DLGAP1: variants seen among roughly 807,000 people sequenced by gnomAD.
The protein encoded by DLGAP1 is DLG associated protein 1.
In DLGAP1, 11 loss-of-function variants were observed where a neutral mutation model predicts 90.8. That is an observed-to-expected ratio of 0.12 (90% confidence interval 0.08 to 0.20). The LOEUF (loss-of-function observed/expected upper bound fraction) is 0.20. Among genes scored for constraint, DLGAP1 ranks in the 10% least tolerant of loss-of-function variants. The pLI is 1.00. For missense variants in DLGAP1, 1,050 were observed against 1,333.8 expected, an observed-to-expected ratio of 0.79 and a Z score of 3.31; for synonymous variants, 558 against 540.7, an observed-to-expected ratio of 1.03 and a Z score of -0.44.
At chr18:3,739,004 A>C (rs1271285582) in intron 6 of DLGAP1, among the ~76,000 whole-genome samples, 1 of 150,974 alleles carries the variant, frequency 6.6e-6, no homozygotes, top group East Asian at 1.9e-4. Flanking sequence ...ACATTTATGC[A>C]GTCAAAAAAC....
In DLGAP1 at chr18:3,633,049, C is replaced by T. The variant is rs575838318; in HGVS notation, c.1592-50801G>A. Among the ~76,000 whole-genome samples, 8 of 152,260 alleles carry T rather than the reference C, an allele frequency of 5.3e-5. No homozygotes were observed. The South Asian group carries it at 1.0e-3, about 20-fold the overall frequency. On this transcript the variant is annotated intron_variant, in intron 7 of 12. Coordinates refer to ENST00000315677, the MANE Select transcript of DLGAP1 (RefSeq NM_004746.4). ...GATAGAATTTTCCTATTAGGCTACG[C>T]CTTGGGCAAGTTTTGGGCTTTAAAG... is the stretch of plus-strand genomic sequence containing the variant.
intron 7 of DLGAP1, among the ~76,000 whole-genome samples, chr18:3,703,853 T>C (rs1447041661): frequency 6.6e-6 from 1 of 151,992 alleles, no homozygotes; most frequent in Non-Finnish European, 1.5e-5. Context: ...CCACACACGG[T>C]TTTTGCGAAG....
chr18:3,746,541 T>G (rs565729368), intron 5 of DLGAP1, among the ~76,000 whole-genome samples: 1 of 152,244 alleles, frequency 6.6e-6, no homozygotes, highest in South Asian at 2.1e-4. Flanking sequence ...TCATTGTGTA[T>G]AAGAACATAT....
chr18:4,087,262 C>T (rs981876689), intron 2 of DLGAP1, among the ~76,000 whole-genome samples: 1 of 151,658 alleles, frequency 6.6e-6, no homozygotes, highest in Non-Finnish European at 1.5e-5. Flanking sequence ...TAAACTGGCC[C>T]CAAAACTGGC....
intron 10 of DLGAP1, among the ~76,000 whole-genome samples, chr18:3,509,784 G>C (rs2050439004): frequency 2.0e-5 from 3 of 152,200 alleles, no homozygotes; most frequent in Non-Finnish European, 4.4e-5. Flanking sequence ...TTCTGGCCCA[G>C]GGTTTTCTAG....
rs146408330 is a variant in DLGAP1 at position 4,395,500 on chromosome 18, C to A, written c.-267+59506G>T. Among the ~76,000 whole-genome samples the A allele has an allele frequency of 4.2e-3, 632 of 152,268 alleles. 6 individuals carry two copies. The highest frequency in any genetic ancestry group is 0.016 in the South Asian group (78 of 4,822). ...TAGCCAGAGACTGATGGTTTCCTAA[C>A]CTGGGAGACCTGCTGGGCATGCAGC... On this transcript the variant is annotated intron_variant, in intron 1 of 12. Transcript: ENST00000315677.
At chr18:3,657,672 G>A (rs894150399) in intron 7 of DLGAP1, among the ~76,000 whole-genome samples, 1 of 148,430 alleles carries the variant, frequency 6.7e-6, no homozygotes, top group Admixed American at 6.8e-5. Flanking sequence ...GCGCGATCTC[G>A]GCTCACTGCA....
chr18:4,194,325 T>C (rs1040673983), intron 1 of DLGAP1, among the ~76,000 whole-genome samples: 6 of 152,180 alleles, frequency 3.9e-5, no homozygotes, highest in Admixed American at 3.3e-4. Flanking sequence ...AGATTAAAGC[T>C]GAAATTTTGA....
At chr18:3,984,831 T>A (rs1284761203) in intron 3 of DLGAP1, among the ~76,000 whole-genome samples, 1 of 152,086 alleles carries the variant, frequency 6.6e-6, no homozygotes, top group African/African-American at 2.4e-5. Context: ...GGTCTTTATT[T>A]TGCCCACAGA....
At chr18:3,888,064 C>A (rs564000651) in intron 3 of DLGAP1, among the ~76,000 whole-genome samples, 14 of 139,062 alleles carry the variant, frequency 1.0e-4, no homozygotes, top group Non-Finnish European at 1.8e-4. Context: ...GCCGAGATCG[C>A]GCCACTGCAC....
At chr18:3,943,082 C>A (rs190938863) in intron 3 of DLGAP1, among the ~76,000 whole-genome samples, 16 of 151,872 alleles carry the variant, frequency 1.1e-4, no homozygotes, top group African/African-American at 3.6e-4. Flanking sequence ...TTACCATTTT[C>A]TTTGTGCTCT....
At chr18:4,379,405 G>A (rs2082074973) in intron 1 of DLGAP1, among the ~76,000 whole-genome samples, 1 of 152,074 alleles carries the variant, frequency 6.6e-6, no homozygotes. Context: ...AAGCTAATTT[G>A]ACAGGCTTTC....
In DLGAP1 at chr18:3,654,345, C is replaced by T. The variant is rs376164183; in HGVS notation, c.1592-72097G>A. On this transcript the variant is annotated intron_variant, in intron 7 of 12. Coordinates refer to ENST00000315677, the MANE Select transcript of DLGAP1 (RefSeq NM_004746.4). ...TTTCTGGAGAAAACAAAACCCTGTC[C>T]TGGGGGTGTAGACCAGCCATGACAC... 9.2e-5 allele frequency among the ~76,000 whole-genome samples: 14 copies of T among 152,296 alleles called. No homozygotes were observed. The South Asian group carries it at 1.0e-3, about 11-fold the overall frequency.
At chr18:4,442,613 GA>G (rs1409204268) in intron 1 of DLGAP1, among the ~76,000 whole-genome samples, 1 of 152,092 alleles carries the variant, frequency 6.6e-6, no homozygotes, top group African/African-American at 2.4e-5. Context: ...CAAAGAATGA[GA>G]AAGTGGTAAA....
At chr18:4,198,735 C>T (rs2077549848) in intron 1 of DLGAP1, among the ~76,000 whole-genome samples, 1 of 152,188 alleles carries the variant, frequency 6.6e-6, no homozygotes, top group Admixed American at 6.5e-5. Context: ...CCTCAAGGTA[C>T]AATTCATCTT....
chr18:3,789,829 T>G (rs555229962), intron 5 of DLGAP1, among the ~76,000 whole-genome samples: 30 of 152,280 alleles, frequency 2.0e-4, no homozygotes, highest in African/African-American at 7.0e-4. Flanking sequence ...AGGTAACAGA[T>G]ATGAAACAAC....
chr18:3,866,435 C>T (rs1469074716), intron 4 of DLGAP1, among the ~76,000 whole-genome samples: 1 of 152,078 alleles, frequency 6.6e-6, no homozygotes, highest in Admixed American at 6.6e-5. Context: ...AAGGAATGGG[C>T]AGTAGTTTTC....
At chr18:3,780,563 G>A (rs1470132417) in intron 5 of DLGAP1, among the ~76,000 whole-genome samples, 2 of 152,090 alleles carry the variant, frequency 1.3e-5, no homozygotes, top group South Asian at 2.1e-4. Flanking sequence ...CCCTTTTCAC[G>A]TGTAAGGCTG....
intron 5 of DLGAP1, among the ~76,000 whole-genome samples, chr18:3,806,903 G>C (rs189580139): frequency 2.6e-5 from 4 of 152,248 alleles, no homozygotes; most frequent in African/African-American, 9.6e-5. Flanking sequence ...TTTGAAGAAG[G>C]TTCAGGTTAC....
Sources: allele counts gnomAD v4.1 joint callset (sites outside exome capture counted in the v4.1 genomes callset), GRCh38; gene constraint gnomAD v4.1.1; transcripts MANE v1.5; gene names NCBI Gene and HGNC (gene_info 2026-07-23, HGNC 2026-07-21).